ESR1: variants seen among roughly 807,000 people sequenced by gnomAD.
ESR1 encodes the protein estrogen receptor 1, also known as estrogen receptor.
A neutral mutation model predicts 52.7 loss-of-function variants in ESR1; 12 were observed. The ratio of observed to expected loss-of-function variants is 0.23; its 90% confidence interval spans 0.15 to 0.37. The LOEUF (loss-of-function observed/expected upper bound fraction) is 0.37, where lower values mean the gene tolerates loss of function less well. Ranked by LOEUF, ESR1 falls within the 10% of genes least tolerant of loss-of-function variation. The pLI is 1.00. For synonymous variants in ESR1, 305 were observed against 316.8 expected, an observed-to-expected ratio of 0.96 and a Z score of 0.39; for missense variants, 584 against 779.7, an observed-to-expected ratio of 0.75 and a Z score of 2.99.
At chr6:152,067,979 A>G (rs958905542) in intron 6 of ESR1, among the ~76,000 whole-genome samples, 10 of 152,278 alleles carry the variant, frequency 6.6e-5, no homozygotes, top group African/African-American at 1.9e-4. Flanking sequence ...GCAAATGTTT[A>G]TAGCTCTTAT....
intron 1 of ESR1, among the ~76,000 whole-genome samples, chr6:151,661,545 T>A (rs1199097069): frequency 6.6e-6 from 1 of 152,194 alleles, no homozygotes; most frequent in African/African-American, 2.4e-5. Flanking sequence ...ACAAAATAAT[T>A]TTTCCCAGCA....
chr6:152,016,196 C>A (rs2043156755), intron 5 of ESR1, among the ~76,000 whole-genome samples: 1 of 152,128 alleles, frequency 6.6e-6, no homozygotes, highest in South Asian at 2.1e-4. Flanking sequence ...GATTATGAGG[C>A]CTCCTCAGCC....
intron 2 of ESR1, among the ~76,000 whole-genome samples, chr6:151,845,882 C>T (rs1042669654): frequency 1.3e-5 from 2 of 152,142 alleles, no homozygotes; most frequent in Admixed American, 1.3e-4. Flanking sequence ...GCTTTACTAA[C>T]AAAGCCCTAT....
At chr6:151,710,323 C>T (rs1037635823) in intron 2 of ESR1, among the ~76,000 whole-genome samples, 17 of 151,520 alleles carry the variant, frequency 1.1e-4, no homozygotes, top group Non-Finnish European at 2.4e-4. Flanking sequence ...ACGTGGATTA[C>T]ATTTTTAAAA....
intron 2 of ESR1, among the ~76,000 whole-genome samples, chr6:151,859,846 T>C (rs916428906): frequency 2.6e-5 from 4 of 152,182 alleles, no homozygotes; most frequent in African/African-American, 7.2e-5. Flanking sequence ...CCCTCCCTGA[T>C]GCTGATGTCT....
chr6:151,902,140 G>A (rs971548672), intron 3 of ESR1, among the ~76,000 whole-genome samples: 2 of 152,162 alleles, frequency 1.3e-5, no homozygotes, highest in Non-Finnish European at 2.9e-5. Context: ...GGGGATTTAA[G>A]ATGTGATCAC....
At chr6:152,064,684 G>A (rs2047824456) in intron 6 of ESR1, among the ~76,000 whole-genome samples, 1 of 152,104 alleles carries the variant, frequency 6.6e-6, no homozygotes, top group African/African-American at 2.4e-5. Flanking sequence ...CTTTATGCAT[G>A]TATTTCCTAA....
chr6:151,712,380 A>G (rs1366240278), intron 2 of ESR1, among the ~76,000 whole-genome samples: 2 of 152,180 alleles, frequency 1.3e-5, no homozygotes, highest in Non-Finnish European at 2.9e-5. Flanking sequence ...CTATGAAGAA[A>G]GTCAATGGTA....
intron 2 of ESR1, among the ~76,000 whole-genome samples, chr6:151,726,425 G>A (rs1036005717): frequency 5.9e-5 from 9 of 151,930 alleles, no homozygotes; most frequent in Non-Finnish European, 1.0e-4. Flanking sequence ...TCCGCCTGCC[G>A]GGTTCACACC....
At chr6:151,716,027 T>G (rs1781005414) in intron 2 of ESR1, among the ~76,000 whole-genome samples, 1 of 152,220 alleles carries the variant, frequency 6.6e-6, no homozygotes, top group Admixed American at 6.5e-5. Flanking sequence ...TCTGTGTGGA[T>G]GTCCTTTTTG....
intron 6 of ESR1, among the ~76,000 whole-genome samples, chr6:152,088,314 G>A (rs181215143): frequency 6.6e-6 from 1 of 152,254 alleles, no homozygotes; most frequent in East Asian, 1.9e-4. Context: ...TGAAAAAGTA[G>A]AGCAAGAGAT....
chr6:152,073,644 G>A (rs9479193), intron 6 of ESR1, among the ~76,000 whole-genome samples: 31,241 of 152,188 alleles, frequency 0.21, 4,426 homozygotes, highest in African/African-American at 0.39. Context: ...AGGCGAGTCT[G>A]TTGGCAGTCA....
intron 3 of ESR1, among the ~76,000 whole-genome samples, chr6:151,908,348 A>C (rs1797763191): frequency 1.3e-5 from 2 of 152,136 alleles, no homozygotes; most frequent in Admixed American, 1.3e-4. Flanking sequence ...ATTTCACAAC[A>C]GTTAATTATT....
chr6:152,009,150 T>C (rs1346187637), intron 4 of ESR1, among the ~76,000 whole-genome samples: 1 of 152,104 alleles, frequency 6.6e-6, no homozygotes, highest in Non-Finnish European at 1.5e-5. Context: ...CATTGCTTTT[T>C]CATCTTTTAC....
At chr6:151,930,341 A>G (rs1052737436) in intron 3 of ESR1, among the ~76,000 whole-genome samples, 3 of 152,134 alleles carry the variant, frequency 2.0e-5, no homozygotes, top group Non-Finnish European at 4.4e-5. Flanking sequence ...CACAGTATAC[A>G]TTTTTAAGTA....
chr6:151,770,892 A>G (rs1413909759), intron 2 of ESR1, among the ~76,000 whole-genome samples: 1 of 152,222 alleles, frequency 6.6e-6, no homozygotes, highest in East Asian at 1.9e-4. Context: ...AAAAAAAATA[A>G]GAAACTAAAA....
intron 1 of ESR1, among the ~76,000 whole-genome samples, chr6:151,824,955 A>G (rs1781240286): frequency 6.6e-6 from 1 of 152,160 alleles, no homozygotes; most frequent in Non-Finnish European, 1.5e-5. Context: ...TCTTGCTTTC[A>G]AAACTATGGA....
At chr6:151,818,594 A>C (rs1181952752) in intron 1 of ESR1, among the ~76,000 whole-genome samples, 1 of 152,184 alleles carries the variant, frequency 6.6e-6, no homozygotes, top group Admixed American at 6.5e-5. Flanking sequence ...ACAGCAGTGC[A>C]GTACTGGTCA....
At chr6:151,721,785 T>C (rs897069309) in intron 2 of ESR1, among the ~76,000 whole-genome samples, 1 of 152,236 alleles carries the variant, frequency 6.6e-6, no homozygotes, top group Non-Finnish European at 1.5e-5. Flanking sequence ...GTTGTGACCA[T>C]GGGCTTTTGG....
Sources: allele counts gnomAD v4.1 joint callset (sites outside exome capture counted in the v4.1 genomes callset), GRCh38; gene constraint gnomAD v4.1.1; transcripts MANE v1.5; gene names NCBI Gene and HGNC (gene_info 2026-07-23, HGNC 2026-07-21).